The following CUL4A variants were observed in gnomAD, a reference collection of about 807,000 sequenced individuals.
The protein encoded by CUL4A is cullin-4A.
In CUL4A, 16 loss-of-function variants were observed where a neutral mutation model predicts 95.5. The observed-to-expected ratio is 0.17, with a 90% CI of 0.11 to 0.25. The LOEUF (loss-of-function observed/expected upper bound fraction) is 0.25, where lower values mean the gene tolerates loss of function less well. CUL4A is among the 10% of genes least tolerant of loss of function. The pLI is 1.00. For missense variants in CUL4A, 610 were observed against 937.0 expected (o/e 0.65, Z 4.56); for synonymous variants, 380 against 353.1 (o/e 1.08, Z -0.85).
intron 15 of CUL4A, among the ~76,000 whole-genome samples, chr13:113,248,222 A>T (rs2041905305): frequency 6.6e-6 from 1 of 152,098 alleles, no homozygotes; most frequent in Non-Finnish European, 1.5e-5. Flanking sequence ...TCCTGGCTGA[A>T]TTGATTTTTA....
Position 113,210,105 on chromosome 13 carries a change from G to C in CUL4A, c.264+17G>C. ...CTCTACCAGGTGAGGCGGCGGCCGG[G>C]GCTGGGGACGCCGCTCCTGCCCCGC... On this transcript the variant is annotated intron_variant, in intron 2 of 19. Coordinates refer to ENST00000375440, the MANE Select transcript of CUL4A (RefSeq NM_001008895.4). 6.8e-7 allele frequency: 1 copy of C among 1,462,850 alleles called. No homozygotes were observed. The highest frequency in any genetic ancestry group is 9.1e-7 in the Non-Finnish European group (1 of 1,098,736). The allele number at this position is 1,462,850 out of a possible 1,614,324, so 90.6% of individuals were successfully genotyped here. A position where few individuals can be genotyped will look rare whatever the true frequency, so the allele number is the denominator to read the frequency against.
intron 10 of CUL4A, among the ~76,000 whole-genome samples, chr13:113,240,272 CAGGGGTGCTGCTGAATGCACA>C (rs1377540010): frequency 2.7e-5 from 4 of 150,098 alleles, no homozygotes; most frequent in East Asian, 1.9e-4. Context: ...TGGGCAGCAC[CAGGGGTGCTGCTGAATGCACA>C]AGGCAGCCCT....
At chr13:113,240,947 A>G (rs2041691410) in intron 10 of CUL4A, among the ~76,000 whole-genome samples, 1 of 152,140 alleles carries the variant, frequency 6.6e-6, no homozygotes, top group South Asian at 2.1e-4. Flanking sequence ...TTGCTTTGCT[A>G]TTTTTACTAT....
chr13:113,212,443 C>G (rs2040484662), intron 2 of CUL4A, among the ~76,000 whole-genome samples: 1 of 152,202 alleles, frequency 6.6e-6, no homozygotes, highest in Non-Finnish European at 1.5e-5. Context: ...ACATCTAGGT[C>G]TACGATCTAT....
chr13:113,213,284 G>A (rs2040520389), intron 2 of CUL4A, among the ~76,000 whole-genome samples: 1 of 152,050 alleles, frequency 6.6e-6, no homozygotes, highest in South Asian at 2.1e-4. Flanking sequence ...GCTACTCAGG[G>A]CCCCCACACC....
intron 2 of CUL4A, among the ~76,000 whole-genome samples, chr13:113,214,047 A>G (rs894293247): frequency 6.6e-6 from 1 of 152,234 alleles, no homozygotes; most frequent in African/African-American, 2.4e-5. Context: ...CAGTTTTTGT[A>G]TAGGTGGGGT....
intron 2 of CUL4A, among the ~76,000 whole-genome samples, chr13:113,218,137 C>A (rs2040762321): frequency 6.6e-6 from 1 of 152,094 alleles, no homozygotes; most frequent in Non-Finnish European, 1.5e-5. Flanking sequence ...ACTCGGGAGG[C>A]TGAGGCAGGA....
At chr13:113,234,041 C>G in intron 7 of CUL4A, 55 bp downstream of exon 7, 1 of 1,018,930 alleles carries the variant, frequency 9.8e-7, no homozygotes, top group East Asian at 2.5e-5. Context: ...AGATGAGCAC[C>G]TAGGAGGACT....
At chr13:113,227,398 C>T (rs2041144143) in intron 3 of CUL4A, among the ~76,000 whole-genome samples, 1 of 152,188 alleles carries the variant, frequency 6.6e-6, no homozygotes, top group Admixed American at 6.5e-5. Flanking sequence ...TCTCTGGGGT[C>T]TCTTTTGTAA....
intron 2 of CUL4A, among the ~76,000 whole-genome samples, chr13:113,214,497 AAAAC>A (rs747019553): frequency 2.0e-5 from 3 of 152,044 alleles, no homozygotes; most frequent in East Asian, 1.9e-4. Context: ...TTGTTGCACA[AAAAC>A]AAACCTCTCA....
chr13:113,245,016 C>T lies in CUL4A; in HGVS notation c.1401C>T (p.Ala467=), dbSNP rs2041820686. ...LAKRLLVGKS[A]SVDAEKSMLS... is the part of the protein sequence containing the mutation. ...AAAGACTCCTTGTTGGGAAAAGTGC[C>T]TCAGTCGATGCTGAAAAGTCTATGT... is the stretch of plus-strand genomic sequence containing the variant. The change falls in exon 13 of 20, where the codon GCC becomes GCT. Residue 467 remains alanine, a synonymous_variant. Coordinates refer to ENST00000375440, the MANE Select transcript of CUL4A (RefSeq NM_001008895.4). 6.2e-7 allele frequency: 1 copy of T among 1,614,014 alleles called. No homozygotes were observed. The highest frequency in any genetic ancestry group is 8.5e-7 in the Non-Finnish European group (1 of 1,180,028).
Position 113,260,599 on chromosome 13 carries a change from T to G in CUL4A, c.2032-8T>G. 1 of 1,588,674 alleles carries G rather than the reference T, an allele frequency of 6.3e-7. No homozygotes were observed. Among genetic ancestry groups the G allele is most frequent in the South Asian group, 1.2e-5 (1 of 85,398 alleles). ...TTACACTTAACTTTTTTTTTCTTTT[T>G]TATACAGGTTGAGGAACAGGTTAGC... On this transcript the variant is annotated splice_region_variant and splice_polypyrimidine_tract_variant and intron_variant, in intron 18 of 19. Coordinates refer to ENST00000375440, the MANE Select transcript of CUL4A (RefSeq NM_001008895.4).
In CUL4A at chr13:113,235,165, T is replaced by C. The variant is rs574547874; in HGVS notation, c.848+20T>C. 2.4e-4 allele frequency: 375 copies of C among 1,536,888 alleles called. 7 individuals carry two copies. In the South Asian group the frequency reaches 3.9e-3, roughly 16 times the overall value. ...CACACAGTAAGTACCGTTTGCTCGCTGAGCGTTCGTATCTTCACCATGGCT... is the reference window on the plus strand; with the variant it reads ...CACACAGTAAGTACCGTTTGCTCGCCGAGCGTTCGTATCTTCACCATGGCT... On this transcript the variant is annotated intron_variant, in intron 8 of 19. Coordinates refer to ENST00000375440, the MANE Select transcript of CUL4A (RefSeq NM_001008895.4).
At chr13:113,224,960 C>G (rs994886594) in intron 3 of CUL4A, among the ~76,000 whole-genome samples, 1 of 152,198 alleles carries the variant, frequency 6.6e-6, no homozygotes, top group Non-Finnish European at 1.5e-5. Context: ...CCTGGAATTG[C>G]AGAAGCAGAT....
chr13:113,260,211 A>AAAAAAAAAACAAAAC (rs1197388632), intron 18 of CUL4A, among the ~76,000 whole-genome samples: 1 of 119,510 alleles, frequency 8.4e-6, no homozygotes, highest in African/African-American at 3.6e-5. Context: ...CTCAAAAAAA[A>AAAAAAAAAACAAAAC]AAAAAAAACC....
intron 10 of CUL4A, among the ~76,000 whole-genome samples, chr13:113,240,069 G>A (rs571125017): frequency 6.2e-4 from 94 of 152,312 alleles, no homozygotes; most frequent in African/African-American, 2.0e-3. Context: ...CCAACCCGTC[G>A]TAGAGTGGCT....
Position 113,244,498 on chromosome 13 carries a change from G to T in CUL4A, c.1317G>T (p.Leu439=), listed in dbSNP as rs778534089. The T allele has an allele frequency of 1.2e-6, 2 of 1,612,476 alleles. No individual in the cohort carries two copies. Among genetic ancestry groups the T allele is most frequent in the South Asian group, 2.2e-5 (2 of 90,642 alleles). ...GGACGTTGGACAAGATCATGATCCT[G>T]TTCAGGTTTATCCACGGTGAGACTC... ...LERTLDKIMI[L]FRFIHGKDVF... Residue 439 remains leucine, a synonymous_variant, in exon 12 of 20, where the codon CTG becomes CTT. Coordinates refer to ENST00000375440, the MANE Select transcript of CUL4A (RefSeq NM_001008895.4).
At chr13:113,214,078 A>G (rs2040553297) in intron 2 of CUL4A, among the ~76,000 whole-genome samples, 2 of 152,228 alleles carry the variant, frequency 1.3e-5, no homozygotes, top group African/African-American at 4.8e-5. Flanking sequence ...TTGCCAAAGA[A>G]TCTTATGTGA....
chr13:113,266,338 G>A lies in CUL4A; in HGVS notation c.*2756G>A, dbSNP rs1434997385. The A allele has an allele frequency of 2.6e-5, 4 of 151,996 alleles. No homozygotes were observed. The highest frequency in any genetic ancestry group is 2.6e-4 in the Admixed American group (4 of 15,268). The allele number at this position is 151,996 out of a possible 1,614,324, so 9.4% of individuals were successfully genotyped here. A position where few individuals can be genotyped will look rare whatever the true frequency, so the allele number is the denominator to read the frequency against. ...CTGACCAGAAGTCATTTTTTCAATA[G>A]CAACCCCCAAAAAAGATAAAATACC... On this transcript the variant is annotated 3_prime_UTR_variant, in exon 20 of 20. Coordinates refer to ENST00000375440, the MANE Select transcript of CUL4A (RefSeq NM_001008895.4).
Sources: allele counts gnomAD v4.1 joint callset (sites outside exome capture counted in the v4.1 genomes callset), GRCh38; gene constraint gnomAD v4.1.1; transcripts MANE v1.5; gene names NCBI Gene and HGNC (gene_info 2026-07-23, HGNC 2026-07-21).